BAG6: variants seen among roughly 807,000 people sequenced by gnomAD.
The protein encoded by BAG6 is large proline-rich protein BAG6.
A neutral mutation model predicts 121.0 loss-of-function variants in BAG6; 22 were observed. The ratio of observed to expected loss-of-function variants is 0.18; its 90% CI spans 0.13 to 0.26. The LOEUF (loss-of-function observed/expected upper bound fraction) is 0.26. Among genes scored for constraint, BAG6 ranks in the 10% least tolerant of loss-of-function variants. BAG6 has a pLI of 1.00. For missense variants in BAG6, 1,233 were observed against 1,537.7 expected, an observed-to-expected ratio of 0.80 and a Z score of 3.31; for synonymous variants, 583 against 584.6, an observed-to-expected ratio of 1.00 and a Z score of 0.04.
intron 7 of BAG6, among the ~76,000 whole-genome samples, chr6:31,647,330 T>C (rs1232118421): frequency 3.3e-5 from 5 of 152,192 alleles, no homozygotes; most frequent in Non-Finnish European, 4.4e-5. Context: ...GAGCAGGCCT[T>C]CGTGAACTCA....
chr6:31,639,294 A>G, intron 25 of BAG6, 68 bp from the exon 26 acceptor site: 3 of 1,501,318 alleles, frequency 2.0e-6, no homozygotes, highest in Non-Finnish European at 2.8e-6. Context: ...CAAGCACACA[A>G]GGCCATCCCT....
chr6:31,649,930 C>CT (rs1357548008), intron 2 of BAG6, among the ~76,000 whole-genome samples: 2 of 151,218 alleles, frequency 1.3e-5, no homozygotes, highest in African/African-American at 4.9e-5. Context: ...GGTAAAACCC[C>CT]TTTTTTACCA....
rs377452760 is a variant in BAG6 at position 31,645,505 on chromosome 6, T to A, written c.1018A>T (p.Asn340Tyr). 2.5e-6 allele frequency: 4 copies of A among 1,613,016 alleles called. No homozygotes were observed. Among genetic ancestry groups the A allele is most frequent in the Non-Finnish European group, 3.4e-6 (4 of 1,180,044 alleles). ...TGTCGTGGGGGCGTGCAGGCCAGAT[T>A]GCAGCGCAGGTCAGACAGTGCAACA... The part of the protein sequence containing the change: ...TFVALSDLRC[N>Y]LACTPPRHLH... Residue 340 changes from asparagine (N) to tyrosine (Y), a missense_variant, in exon 9 of 26, where the codon AAT (asparagine) becomes TAT (tyrosine). Asn to Tyr is a moderately radical substitution (Grantham distance 143). This residue lies in a region of BAG6 where 777 missense variants were observed against 861.4 expected (regional missense o/e 0.90). Coordinates refer to ENST00000676615, the MANE Select transcript of BAG6 (RefSeq NM_001387994.1).
rs1785847548 is a variant in BAG6, at chr6:31,643,983, T to C, written c.1669-6A>G. 1.2e-6 allele frequency: 2 copies of C among 1,613,912 alleles called. No individual in the cohort carries two copies. The highest frequency in any genetic ancestry group is 1.7e-6 in the Non-Finnish European group (2 of 1,179,984). ...GTACCCAGACCGGCGCCCTGCTGGA[T>C]AGAGAGCAAGGGAGAATTTCAGACC... On this transcript the variant is annotated splice_region_variant and splice_polypyrimidine_tract_variant and intron_variant, in intron 13 of 25. Transcript: ENST00000676615.
Position 31,644,932 on chromosome 6 carries a change from G to A in BAG6, c.1369+14C>T. On this transcript the variant is annotated intron_variant, in intron 10 of 25. Transcript: ENST00000676615. The surrounding 1 kb of genome is among the most constrained non-coding windows in gnomAD (Gnocchi z 4.9). Reference sequence around the variant, plus strand: ...CATGCTGATCCTGCTCTTCTCGCCAGCAACTATTCTCACCTTGAATGTTCA... The same window carrying A: ...CATGCTGATCCTGCTCTTCTCGCCAACAACTATTCTCACCTTGAATGTTCA... 1.3e-6 allele frequency: 2 copies of A among 1,556,496 alleles called. No individual in the cohort carries two copies. Among genetic ancestry groups the A allele is most frequent in the Non-Finnish European group, 1.7e-6 (2 of 1,149,648 alleles).
chr6:31,646,535 C>G lies in BAG6; in HGVS notation c.789-12G>C. 1 of 1,611,554 alleles carries G rather than the reference C, an allele frequency of 6.2e-7. No homozygotes were observed. The highest frequency in any genetic ancestry group is 8.5e-7 in the Non-Finnish European group (1 of 1,179,438). On this transcript the variant is annotated splice_polypyrimidine_tract_variant and intron_variant, in intron 7 of 25. Transcript: ENST00000676615. ...CAGGGGAAGGATGGCTGTGGACAAACCCAAGGGGCAATGAGCCAAAGCCTT... is the reference window on the plus strand; with the variant it reads ...CAGGGGAAGGATGGCTGTGGACAAAGCCAAGGGGCAATGAGCCAAAGCCTT...
In BAG6 at chr6:31,645,556, T is replaced by C; in HGVS notation, c.967A>G (p.Ser323Gly). The change falls in exon 9 of 26, where the codon AGC becomes GGC. Residue 323 changes from serine (S) to glycine (G), a missense_variant. This residue lies in a region of BAG6 where 777 missense variants were observed against 861.4 expected (regional missense o/e 0.90). Coordinates refer to ENST00000676615, the MANE Select transcript of BAG6 (RefSeq NM_001387994.1). ...DQRLINLVGE[S>G]LRLLGNTFVA... ...AAGGTGTTGCCCAGCAGTCGCAGGC[T>C]CTCCCCTACCAAGTTGATCAACCGC... 6.2e-7 allele frequency: 1 copy of C among 1,613,082 alleles called. No individual in the cohort carries two copies. Among genetic ancestry groups the C allele is most frequent in the Non-Finnish European group, 8.5e-7 (1 of 1,180,034 alleles).
At chr6:31,646,088 C>T (rs1160569590) in intron 8 of BAG6, among the ~76,000 whole-genome samples, 3 of 152,148 alleles carry the variant, frequency 2.0e-5, no homozygotes, top group Non-Finnish European at 2.9e-5. Context: ...CGAGTTCTAG[C>T]GATTCTCCTG....
rs1203596455 is a variant in BAG6, at chr6:31,641,250, G to A, written c.2663-22C>T. 1 of 1,614,112 alleles carries A rather than the reference G, an allele frequency of 6.2e-7. No homozygotes were observed. Among genetic ancestry groups the A allele is most frequent in the African/African-American group, 1.3e-5 (1 of 75,058 alleles). On this transcript the variant is annotated intron_variant, in intron 19 of 25. Transcript: ENST00000676615. The surrounding 1 kb of genome is among the most constrained non-coding windows in gnomAD (Gnocchi z 5.7). ...CTATCTGTGGGCAAAATACAAGGAG[G>A]GAATGCTGGCACGTGGCAGCCCTGC...
In BAG6 at chr6:31,649,540, G is replaced by A; in HGVS notation, c.196C>T (p.Leu66=). The A allele has an allele frequency of 2.5e-6, 4 of 1,614,200 alleles. No homozygotes were observed. Among genetic ancestry groups the A allele is most frequent in the Non-Finnish European group, 3.4e-6 (4 of 1,180,052 alleles). Reference sequence around the variant, plus strand: ...TCCTGAAGCTTCTTATCATCTTGCAGAACTCGTCCCTGGTAAATGAGCCGT... The same window carrying A: ...TCCTGAAGCTTCTTATCATCTTGCAAAACTCGTCCCTGGTAAATGAGCCGT... ...KQRLIYQGRV[L]QDDKKLQEYN... The change falls in exon 3 of 26, where the codon CTG becomes TTG. Residue 66 remains leucine (L), a synonymous_variant. Transcript: ENST00000676615.
rs752719899 is a variant in BAG6 at position 31,642,278 on chromosome 6, A to C, written c.2169T>G (p.Leu723=). The change falls in exon 16 of 26, where the codon CTT becomes CTG. Residue 723 remains leucine (L), a synonymous_variant. Transcript: ENST00000676615. ...TAAAAAACTCCGGTGACAGGCTCTCAAGACCCAGGCCTCCAGGACTCCCTG... is the reference window on the plus strand; with the variant it reads ...TAAAAAACTCCGGTGACAGGCTCTCCAGACCCAGGCCTCCAGGACTCCCTG... The part of the protein sequence containing the change: ...GGAGSPGGLG[L]ESLSPEFFTS... The C allele has an allele frequency of 2.9e-5, 46 of 1,602,898 alleles. No homozygotes were observed. The highest frequency in any genetic ancestry group is 3.2e-5 in the Non-Finnish European group (38 of 1,175,290).
In BAG6 at chr6:31,639,557, G is replaced by A. The variant is rs752328918; in HGVS notation, c.3336C>T (p.Pro1112=). The change falls in exon 25 of 26, where the codon CCC becomes CCT. Residue 1112 remains proline, a synonymous_variant. Transcript: ENST00000676615. ...CCTCCAGGTCCCGGCTCAGGCTCTC[G>A]GGGCTCGTCAGGGGCCGAGCTCCGG... is the stretch of plus-strand genomic sequence containing the variant. The part of the protein sequence containing the change: ...KAAGARPLTS[P]ESLSRDLEAP... 1.7e-5 allele frequency: 28 copies of A among 1,614,016 alleles called. No individual in the cohort carries two copies. Among genetic ancestry groups the A allele is most frequent in the South Asian group, 2.2e-5 (2 of 91,076 alleles).
In BAG6 at chr6:31,640,832, G is replaced by A. The variant is rs765443408; in HGVS notation, c.2894C>T (p.Ala965Val). The change falls in exon 21 of 26, where the codon GCC becomes GTC. Residue 965 changes from alanine (A) to valine (V), a missense_variant. Around this residue, in one of 7 missense-constraint regions of BAG6, gnomAD observed 288 missense variants for 483.1 expected, o/e 0.60. Coordinates refer to ENST00000676615, the MANE Select transcript of BAG6 (RefSeq NM_001387994.1). This position sits in a 1 kb window ranked among gnomAD's most constrained non-coding sequence, Gnocchi z 4.2. Reference protein sequence around the residue: ...VLEHMPVGPDAILRYVRRVGD... With the variant: ...VLEHMPVGPDVILRYVRRVGD... ...AACCCTGCGAACGTATCTGAGAATG[G>A]CATCAGGGCCTACAGGCATGTGCTC... 1 of 1,612,662 alleles carries A rather than the reference G, an allele frequency of 6.2e-7. No homozygotes were observed. Among genetic ancestry groups the A allele is most frequent in the Non-Finnish European group, 8.5e-7 (1 of 1,180,016 alleles).
rs1159155703 is a variant in BAG6, at chr6:31,645,575, C to A, written c.948G>T (p.Leu316Phe). ...NHEGREEDQR[L>F]INLVGESLRL... is the part of the protein sequence containing the mutation. ...GCAGGCTCTCCCCTACCAAGTTGAT[C>A]AACCGCTGATCCTCCTCCCGGCCCT... Residue 316 changes from leucine (L) to phenylalanine (F), a missense_variant, in exon 9 of 26, where the codon TTG becomes TTT. By Grantham distance (22) the Leu-to-Phe change is conservative. Coordinates refer to ENST00000676615, the MANE Select transcript of BAG6 (RefSeq NM_001387994.1). 6.2e-7 allele frequency: 1 copy of A among 1,613,054 alleles called. No individual in the cohort carries two copies. The highest frequency in any genetic ancestry group is 1.3e-5 in the African/African-American group (1 of 74,950).
At position 31,640,326 on chromosome 6, in the gene BAG6, AT is replaced by A. The variant is rs757752597; in HGVS notation, c.3139-21del. The A allele has an allele frequency of 1.2e-5, 19 of 1,614,172 alleles. No individual in the cohort carries two copies. In the South Asian group the frequency reaches 2.1e-4, roughly 18 times the overall value. On this transcript the variant is annotated intron_variant, in intron 23 of 25. Coordinates refer to ENST00000676615, the MANE Select transcript of BAG6 (RefSeq NM_001387994.1). The surrounding 1 kb of genome is among the most constrained non-coding windows in gnomAD (Gnocchi z 4.2). ...CCATTCCTGGGGAGGAAAAGAGAAA[AT>A]AGTAATGTCCTTGACTTTCAGCTGC...
At chr6:31,650,621 C>T (rs111635820) in intron 2 of BAG6, among the ~76,000 whole-genome samples, 4,561 of 150,696 alleles carry the variant, frequency 0.03, 98 homozygotes, top group Non-Finnish European at 0.046. Context: ...GCTGAGATTG[C>T]GCCCCAGCCC....
At chr6:31,643,454 T>C (rs1321155597) in intron 14 of BAG6, among the ~76,000 whole-genome samples, 2 of 150,664 alleles carry the variant, frequency 1.3e-5, no homozygotes, top group Non-Finnish European at 3.0e-5. Context: ...CCGGGCACGA[T>C]GGCTCAAGCC....
Position 31,644,805 on chromosome 6 carries a change from G to A in BAG6, c.1369+141C>T, listed in dbSNP as rs1183632309. On this transcript the variant is annotated intron_variant, in intron 10 of 25. Transcript: ENST00000676615. This position sits in a 1 kb window ranked among gnomAD's most constrained non-coding sequence, Gnocchi z 4.9. ...ACCAACCCCCACACCCCCCACATCTGTCTACTTAAGCTTCTGCTCTGGTCC... is the reference window on the plus strand; with the variant it reads ...ACCAACCCCCACACCCCCCACATCTATCTACTTAAGCTTCTGCTCTGGTCC... 108 of 1,393,622 alleles carry A rather than the reference G, an allele frequency of 7.7e-5. 2 individuals carry two copies. The East Asian group carries it at 2.4e-3, about 32-fold the overall frequency. 86.3% of individuals were successfully genotyped at this position (1,393,622 alleles called of 1,614,324 possible).
Position 31,645,547 on chromosome 6 carries a change from G to A in BAG6, c.976C>T (p.Leu326=), listed in dbSNP as rs749376765. ...LINLVGESLR[L]LGNTFVALSD... ...AGTGCAACAAAGGTGTTGCCCAGCA[G>A]TCGCAGGCTCTCCCCTACCAAGTTG... is the stretch of plus-strand genomic sequence containing the variant. The change falls in exon 9 of 26, where the codon CTG becomes TTG. Residue 326 remains leucine (L), a synonymous_variant. Coordinates refer to ENST00000676615, the MANE Select transcript of BAG6 (RefSeq NM_001387994.1). 1.9e-6 allele frequency: 3 copies of A among 1,613,140 alleles called. No homozygotes were observed. The highest frequency in any genetic ancestry group is 2.5e-6 in the Non-Finnish European group (3 of 1,180,036).
Sources: allele counts gnomAD v4.1 joint callset (sites outside exome capture counted in the v4.1 genomes callset), GRCh38; gene constraint gnomAD v4.1.1; regional missense constraint gnomAD v4.1.1; non-coding constraint Gnocchi (gnomAD v3.1); transcripts MANE v1.5; gene names NCBI Gene and HGNC (gene_info 2026-07-23, HGNC 2026-07-21).